Variants in PRKACB observed in about 807,000 individuals in gnomAD.
PRKACB encodes protein kinase cAMP-activated catalytic subunit beta, also known as cAMP-dependent protein kinase catalytic subunit beta.
PRKACB carries 16 observed loss-of-function variants against 51.4 expected under a neutral mutation model. The ratio of observed to expected loss-of-function variants is 0.31; its 90% CI spans 0.21 to 0.47. The LOEUF (loss-of-function observed/expected upper bound fraction) is 0.47. Ranked by LOEUF, PRKACB falls within the 20% of genes least tolerant of loss-of-function variation. The probability of loss-of-function intolerance (pLI) is 1.00; values close to 1 mark genes in which losing one functional copy is unlikely to be tolerated. For synonymous variants in PRKACB, 147 were observed against 154.4 expected, an observed-to-expected ratio of 0.95 and a Z score of 0.35; for missense variants, 309 against 464.5, an observed-to-expected ratio of 0.67 and a Z score of 3.08.
chr1:84,081,686 G>A (rs988363283), intron 1 of PRKACB, among the ~76,000 whole-genome samples: 1 of 151,938 alleles, frequency 6.6e-6, no homozygotes, highest in African/African-American at 2.4e-5. Flanking sequence ...AAAAAAACAC[G>A]CTACTTCTTT....
intron 9 of PRKACB, among the ~76,000 whole-genome samples, chr1:84,223,010 A>G (rs1294440247): frequency 6.6e-6 from 1 of 152,188 alleles, no homozygotes; most frequent in East Asian, 1.9e-4. Flanking sequence ...TTTGGATTGT[A>G]TCTATTTGAT....
At chr1:84,092,024 C>T (rs1310533541) in intron 1 of PRKACB, among the ~76,000 whole-genome samples, 1 of 152,050 alleles carries the variant, frequency 6.6e-6, no homozygotes, top group Non-Finnish European at 1.5e-5. Context: ...TCGTAATCTA[C>T]TTTATAATAT....
intron 5 of PRKACB, among the ~76,000 whole-genome samples, chr1:84,192,617 C>T (rs1308785174): frequency 6.6e-6 from 1 of 152,096 alleles, no homozygotes; most frequent in Non-Finnish European, 1.5e-5. Context: ...CAGAAGGGAA[C>T]TTGTCTCCGC....
rs962041679 is a variant in PRKACB at position 84,238,351 on chromosome 1, G to A, written c.*3046G>A. On this transcript the variant is annotated 3_prime_UTR_variant, in exon 10 of 10. Coordinates refer to ENST00000370685, the MANE Select transcript of PRKACB (RefSeq NM_182948.4). ...AAACTGTAACCTATCAATGTAAAAT[G>A]TTAAGGTGTGTTGTTATTTCATTAA... 1 of 152,526 alleles carries A rather than the reference G, an allele frequency of 6.6e-6. No individual in the cohort carries two copies. The highest frequency in any genetic ancestry group is 6.6e-5 in the Admixed American group (1 of 15,252). The allele number at this position is 152,526 out of a possible 1,614,324, so 9.4% of individuals were successfully genotyped here. A position where few individuals can be genotyped will look rare whatever the true frequency, so the allele number is the denominator to read the frequency against.
intron 5 of PRKACB, among the ~76,000 whole-genome samples, chr1:84,192,020 G>A (rs1666954042): frequency 6.6e-6 from 1 of 151,856 alleles, no homozygotes; most frequent in African/African-American, 2.4e-5. Context: ...ATGCATAAAA[G>A]CATCTAAACA....
At chr1:84,152,851 T>C (rs761695504) in intron 1 of PRKACB, among the ~76,000 whole-genome samples, 2 of 152,232 alleles carry the variant, frequency 1.3e-5, no homozygotes, top group African/African-American at 4.8e-5. Context: ...AGCAGCACTT[T>C]TAGTTTCCTT....
intron 9 of PRKACB, among the ~76,000 whole-genome samples, chr1:84,220,630 TGA>T (rs1673560567): frequency 6.6e-6 from 1 of 152,172 alleles, no homozygotes; most frequent in Non-Finnish European, 1.5e-5. Context: ...CCTAATTTGT[TGA>T]GAGTTTTTGT....
chr1:84,087,632 G>A (rs34021137), intron 1 of PRKACB, among the ~76,000 whole-genome samples: 1 of 152,032 alleles, frequency 6.6e-6, no homozygotes, highest in Non-Finnish European at 1.5e-5. Flanking sequence ...CCTGGGCTCA[G>A]GCAGTCCTGC....
intron 1 of PRKACB, among the ~76,000 whole-genome samples, chr1:84,130,068 C>CG (rs1361538944): frequency 6.6e-6 from 1 of 151,470 alleles, no homozygotes; most frequent in Non-Finnish European, 1.5e-5. Flanking sequence ...GGTGTGGTGG[C>CG]GGGCACCTGT....
In PRKACB at chr1:84,204,881, A is replaced by G. The variant is rs140239623; in HGVS notation, c.906+2076A>G. 4.9e-4 allele frequency: 482 copies of G among 983,098 alleles called. 2 individuals carry two copies. In the African/African-American group the frequency reaches 6.5e-3, roughly 13 times the overall value. 60.9% of individuals were successfully genotyped at this position (983,098 alleles called of 1,614,324 possible). On this transcript the variant is annotated intron_variant, in intron 8 of 9. Transcript: ENST00000370685. ...TTTATGCATTGGCCTCGATTTGCCA[A>G]TCATTCTCTATTGGTTAAATTTTAT...
At chr1:84,159,546 T>C (rs1358901067) in intron 1 of PRKACB, among the ~76,000 whole-genome samples, 1 of 152,122 alleles carries the variant, frequency 6.6e-6, no homozygotes, top group African/African-American at 2.4e-5. Flanking sequence ...TAATTTCATC[T>C]GCAAATAAAG....
At chr1:84,212,622 T>A (rs1438866210) in intron 8 of PRKACB, among the ~76,000 whole-genome samples, 2 of 152,132 alleles carry the variant, frequency 1.3e-5, no homozygotes, top group Non-Finnish European at 2.9e-5. Flanking sequence ...CTGGGGAAGC[T>A]ATACCCAGTA....
intron 1 of PRKACB, among the ~76,000 whole-genome samples, chr1:84,085,350 T>C (rs1200594645): frequency 1.3e-5 from 2 of 152,076 alleles, no homozygotes; most frequent in Non-Finnish European, 2.9e-5. Context: ...GTAAGAAAAA[T>C]CTAAATTGTC....
intron 1 of PRKACB, among the ~76,000 whole-genome samples, chr1:84,123,652 G>A (rs1186980461): frequency 2.0e-5 from 3 of 152,108 alleles, no homozygotes; most frequent in Non-Finnish European, 4.4e-5. Flanking sequence ...ATAAAATGTT[G>A]CAATTTGTGA....
At position 84,214,072 on chromosome 1, in the gene PRKACB, G is replaced by GAA. The variant is rs796198461; in HGVS notation, c.907-73_907-72dup. On this transcript the variant is annotated intron_variant, in intron 8 of 9. Coordinates refer to ENST00000370685, the MANE Select transcript of PRKACB (RefSeq NM_182948.4). Reference sequence around the variant, plus strand: ...TGTTTATATAATGGCTTGTTGCCTTGAAAAAAAAACTTTATGAAATCAAAA... The same window carrying GAA: ...TGTTTATATAATGGCTTGTTGCCTTGAAAAAAAAAAACTTTATGAAATCAAAA... The GAA allele has an allele frequency of 2.2e-4, 305 of 1,356,536 alleles. 1 individual carries two copies. The African/African-American group carries it at 4.2e-3, about 19-fold the overall frequency. The allele number at this position is 1,356,536 out of a possible 1,614,324, so 84.0% of individuals were successfully genotyped here.
chr1:84,185,376 A>G (rs1664786080), intron 5 of PRKACB, among the ~76,000 whole-genome samples, 194 bp downstream of exon 5: 1 of 151,786 alleles, frequency 6.6e-6, no homozygotes. Flanking sequence ...ATATAAAAAA[A>G]GGACTTTGAA....
At chr1:84,135,847 TAGAAAACTAGAGAA>T in intron 1 of PRKACB, among the ~76,000 whole-genome samples, 2 of 151,662 alleles carry the variant, frequency 1.3e-5, no homozygotes, top group Admixed American at 1.3e-4. Flanking sequence ...AGTTCTACCT[TAGAAAACTAGAGAA>T]AGAAGAGCAA....
chr1:84,221,522 C>T (rs1329892015), intron 9 of PRKACB, among the ~76,000 whole-genome samples: 1 of 151,480 alleles, frequency 6.6e-6, no homozygotes, highest in East Asian at 1.9e-4. Context: ...CCTTGAGGTA[C>T]GTTATTAGGT....
chr1:84,201,416 C>G (rs1242703853), intron 7 of PRKACB, among the ~76,000 whole-genome samples: 1 of 151,878 alleles, frequency 6.6e-6, no homozygotes, highest in Non-Finnish European at 1.5e-5. Flanking sequence ...GTTTTGATTT[C>G]TATACCTTGG....
Sources: gnomAD v4.1 joint callset for allele counts (sites outside exome capture counted in the v4.1 genomes callset) on GRCh38, gnomAD v4.1.1 for gene constraint, MANE v1.5 for transcripts, NCBI Gene and HGNC (gene_info 2026-07-23, HGNC 2026-07-21) for gene names.